Variants in RNASEL observed in about 807,000 individuals in gnomAD.
RNASEL encodes 2-5A-dependent ribonuclease.
RNASEL carries 36 observed loss-of-function variants against 50.9 expected under a neutral mutation model. The observed-to-expected ratio is 0.71, with a 90% confidence interval of 0.54 to 0.93. The LOEUF is 0.93. Ranked by LOEUF, RNASEL falls within the 40% of genes least tolerant of loss-of-function variation. RNASEL has a pLI of 0.00. For synonymous variants in RNASEL, 335 were observed against 335.6 expected, an observed-to-expected ratio of 1.00 and a Z score of 0.02; for missense variants, 860 against 894.5, an observed-to-expected ratio of 0.96 and a Z score of 0.49.
Position 182,575,590 on chromosome 1 carries a change from C to T in RNASEL, c.2040-12G>A. On this transcript the variant is annotated splice_polypyrimidine_tract_variant and intron_variant, in intron 6 of 6. Transcript: ENST00000367559. ...TTTTTAATTTCATCCTGAAATAAAA[C>T]ACAAATTGTTCAGCATGCTTGCCCC... 6.2e-7 allele frequency: 1 copy of T among 1,614,006 alleles called. No homozygotes were observed. Among genetic ancestry groups the T allele is most frequent in the Non-Finnish European group, 8.5e-7 (1 of 1,179,976 alleles).
At chr1:182,582,860 G>C (rs1661522198) in intron 3 of RNASEL, among the ~76,000 whole-genome samples, 1 of 152,148 alleles carries the variant, frequency 6.6e-6, no homozygotes, top group African/African-American at 2.4e-5. Flanking sequence ...GCAGCACCCT[G>C]TAAAACTCTC....
At chr1:182,578,906 A>C (rs1661440418) in intron 5 of RNASEL, 1 of 152,238 alleles carries the variant, frequency 6.6e-6, no homozygotes. Flanking sequence ...AAAAAGAAGA[A>C]TGAAATCATG....
rs763357512 is a variant in RNASEL at position 182,585,778 on chromosome 1, C to G, written c.1029G>C (p.Trp343Cys). ...AEDWKPQSSHWGAALKDLHRI... is the reference protein window; with the variant it reads ...AEDWKPQSSHCGAALKDLHRI... ...TGTGGAGATCCTTCAGGGCTGCCCC[C>G]CAGTGTGAGCTCTGAGGCTTCCAGT... Residue 343 changes from tryptophan (W) to cysteine (C), a missense_variant, in exon 2 of 7, where the codon TGG becomes TGC. By Grantham distance (215) the Trp-to-Cys change is radical (BLOSUM62 -2). Coordinates refer to ENST00000367559, the MANE Select transcript of RNASEL (RefSeq NM_021133.4). The G allele has an allele frequency of 6.2e-6, 10 of 1,613,958 alleles. No homozygotes were observed. The Admixed American group carries it at 1.3e-4, about 22-fold the overall frequency.
At chr1:182,580,153 T>C in intron 5 of RNASEL, 1 of 342,604 alleles carries the variant, frequency 2.9e-6, no homozygotes, top group Non-Finnish European at 5.7e-6. Flanking sequence ...CTTTCAAATT[T>C]CTTTGTTTCT....
In RNASEL at chr1:182,585,756, G is replaced by A. The variant is rs1373741704; in HGVS notation, c.1051C>T (p.His351Tyr). The stretch of plus-strand genomic sequence containing the variant: ...CCAATCATAGGGCGGTATATTCTGT[G>A]GAGATCCTTCAGGGCTGCCCCCCAG... ...SHWGAALKDLHRIYRPMIGKL... is the reference protein window; with the variant it reads ...SHWGAALKDLYRIYRPMIGKL... The change falls in exon 2 of 7, where the codon CAC becomes TAC. Residue 351 changes from histidine (H) to tyrosine (Y), a missense_variant. By Grantham distance (83) the His-to-Tyr change is moderately conservative. Transcript: ENST00000367559. 1 of 1,614,086 alleles carries A rather than the reference G, an allele frequency of 6.2e-7. No homozygotes were observed. The highest frequency in any genetic ancestry group is 1.3e-5 in the African/African-American group (1 of 74,992).
chr1:182,585,548 AAT>A lies in RNASEL; in HGVS notation c.1257_1258del (p.Phe420LeufsTer4). On this transcript the variant is annotated frameshift_variant, in exon 2 of 7. Coordinates refer to ENST00000367559, the MANE Select transcript of RNASEL (RefSeq NM_021133.4). LOFTEE classifies it high-confidence loss of function. ...GCCCCTGTGGCTCTCACTCCCATAG[AAT>A]GTCACCAAGTGACTGTTCTCTCGGC... 6.2e-7 allele frequency: 1 copy of A among 1,614,200 alleles called. No homozygotes were observed. Among genetic ancestry groups the A allele is most frequent in the Non-Finnish European group, 8.5e-7 (1 of 1,180,036 alleles).
rs145787003 is a variant in RNASEL, at chr1:182,585,590, G to A, written c.1217C>T (p.Ser406Phe). Reference sequence around the variant, plus strand: ...GTTCTCTCGGCTGCTTTGCAGACAAGAGACTTCCCGCTGTGCACGTGGGCT... The same window carrying A: ...GTTCTCTCGGCTGCTTTGCAGACAAAAGACTTCCCGCTGTGCACGTGGGCT... ...EGSPRAQREV[S>F]CLQSSRENSH... Residue 406 changes from serine to phenylalanine, a missense_variant, in exon 2 of 7, where the codon TCT (serine) becomes TTT (phenylalanine). Ser to Phe is a radical substitution (Grantham distance 155). Coordinates refer to ENST00000367559, the MANE Select transcript of RNASEL (RefSeq NM_021133.4). 4.3e-4 allele frequency: 701 copies of A among 1,614,168 alleles called. 5 individuals are homozygous for A. The highest frequency in any genetic ancestry group is 1.2e-4 in the Non-Finnish European group (143 of 1,180,046).
intron 6 of RNASEL, 150 bp from the exon 7 acceptor site, chr1:182,575,728 CT>C (rs1661366585): frequency 2.0e-6 from 2 of 998,308 alleles, no homozygotes; most frequent in East Asian, 2.6e-5. Context: ...GACTCCTCCC[CT>C]GACTCTTCAA....
intron 5 of RNASEL, chr1:182,579,514 C>T (rs1415244011): frequency 8.2e-6 from 9 of 1,097,320 alleles, no homozygotes; most frequent in South Asian, 2.3e-5. Context: ...ACGCCAAGCA[C>T]GTATGTGTGG....
intron 4 of RNASEL, among the ~76,000 whole-genome samples, chr1:182,581,670 C>G (rs1163772903): frequency 2.0e-5 from 3 of 151,534 alleles, no homozygotes; most frequent in South Asian, 4.2e-4. Flanking sequence ...TTAGTAGAGA[C>G]GGGGTTTCAC....
In RNASEL at chr1:182,582,112, T is replaced by C; in HGVS notation, c.1713A>G (p.Glu571=). The C allele has an allele frequency of 3.1e-6, 5 of 1,614,216 alleles. No individual in the cohort carries two copies. The highest frequency in any genetic ancestry group is 4.2e-6 in the Non-Finnish European group (5 of 1,180,032). Residue 571 remains glutamate (E), a synonymous_variant, in exon 4 of 7, where the codon GAA becomes GAG. Transcript: ENST00000367559. Reference sequence around the variant, plus strand: ...GGTCACTCAGACAGTCCCTCACATGTTCCCCAGGATGGAAGAGACGATGAA... The same window carrying C: ...GGTCACTCAGACAGTCCCTCACATGCTCCCCAGGATGGAAGAGACGATGAA... ...DLIHRLFHPG[E]HVRDCLSDLL...
In RNASEL at chr1:182,586,507, C is replaced by T. The variant is rs1235804414; in HGVS notation, c.300G>A (p.Ala100=). 1 of 1,611,436 alleles carries T rather than the reference C, an allele frequency of 6.2e-7. No individual in the cohort carries two copies. ...TCAGCAGCTTCACGCTCCCCGCAAT[C>T]GCTGCGAGGATAAAAGGCGTGGCCC... is the stretch of plus-strand genomic sequence containing the variant. ...KNGATPFILA[A]IAGSVKLLKL... is the part of the protein sequence containing the mutation. Residue 100 remains alanine, a synonymous_variant, in exon 2 of 7, where the codon GCG becomes GCA. Transcript: ENST00000367559.
intron 3 of RNASEL, 104 bp downstream of exon 3, chr1:182,583,977 T>C (rs1178439948): frequency 4.8e-6 from 4 of 836,066 alleles, no homozygotes; most frequent in Non-Finnish European, 8.4e-6. Context: ...CCCTTTCATA[T>C]ATACATATGT....
intron 5 of RNASEL, chr1:182,578,236 A>G (rs1181488525): frequency 6.6e-6 from 1 of 152,234 alleles, no homozygotes; most frequent in Non-Finnish European, 1.5e-5. Context: ...TATGCATCCA[A>G]CAGAGGATTG....
Position 182,585,638 on chromosome 1 carries a change from G to A in RNASEL, c.1169C>T (p.Ala390Val), listed in dbSNP as rs1661578718. ...GCTGCCCTCACAGAACGTCTTCACA[G>A]CTACTTCTTGCTTCTCATAGAACCC... Reference protein sequence around the residue: ...YLGFYEKQEVAVKTFCEGSPR... With the variant: ...YLGFYEKQEVVVKTFCEGSPR... The change falls in exon 2 of 7, where the codon GCT becomes GTT. Residue 390 changes from alanine to valine, a missense_variant. Transcript: ENST00000367559. 1 of 1,614,164 alleles carries A rather than the reference G, an allele frequency of 6.2e-7. No individual in the cohort carries two copies.
intron 3 of RNASEL, among the ~76,000 whole-genome samples, chr1:182,582,847 A>T (rs897066526): frequency 1.3e-5 from 2 of 152,196 alleles, no homozygotes; most frequent in African/African-American, 4.8e-5. Flanking sequence ...CTGGGTTGAA[A>T]GTGCAGCACC....
rs1661579579 is a variant in RNASEL at position 182,585,681 on chromosome 1, C to G, written c.1126G>C (p.Glu376Gln). 1 of 1,614,156 alleles carries G rather than the reference C, an allele frequency of 6.2e-7. No homozygotes were observed. The highest frequency in any genetic ancestry group is 8.5e-7 in the Non-Finnish European group (1 of 1,180,034). ...DEKYKIADTSEGGIYLGFYEK... is the reference protein window; with the variant it reads ...DEKYKIADTSQGGIYLGFYEK... ...TAGAACCCCAGGTAGATGCCTCCTT[C>G]TGAAGTATCAGCAATTTTGTATTTT... The change falls in exon 2 of 7, where the codon GAA becomes CAA. Residue 376 changes from glutamate to glutamine, a missense_variant. Physicochemically the swap from Glu to Gln is conservative, Grantham distance 29. Coordinates refer to ENST00000367559, the MANE Select transcript of RNASEL (RefSeq NM_021133.4).
At position 182,588,499 on chromosome 1, in the gene RNASEL, C is replaced by T. The variant is rs116621119; in HGVS notation, c.-165+668G>A. Among the ~76,000 whole-genome samples, 396 of 152,326 alleles carry T rather than the reference C, an allele frequency of 2.6e-3. 1 individual carries two copies. The highest frequency in any genetic ancestry group is 9.2e-3 in the African/African-American group (383 of 41,572). On this transcript the variant is annotated intron_variant, in intron 1 of 6. Transcript: ENST00000367559. ...ACACGAATAGGCAACTGGCAGCTAT[C>T]AATTTCGTCCAACTGTCAATCAGAT...
At position 182,585,860 on chromosome 1, in the gene RNASEL, A is replaced by G. The variant is rs915065103; in HGVS notation, c.947T>C (p.Leu316Pro). ...TCCATGAGAGAGAAGAACCTTCACA[A>G]GGGAATGGTCATAATTCCGCCTCGC... ...MTARRNYDHS[L>P]VKVLLSHGAK... is the part of the protein sequence containing the mutation. Residue 316 changes from leucine (L) to proline (P), a missense_variant, in exon 2 of 7, where the codon CTT (leucine) becomes CCT (proline). Leu to Pro is a moderately conservative substitution (Grantham distance 98). Transcript: ENST00000367559. 1 of 1,613,086 alleles carries G rather than the reference A, an allele frequency of 6.2e-7. No homozygotes were observed. Among genetic ancestry groups the G allele is most frequent in the Admixed American group, 1.7e-5 (1 of 59,922 alleles).
Sources: allele counts gnomAD v4.1 joint callset (sites outside exome capture counted in the v4.1 genomes callset), GRCh38; gene constraint gnomAD v4.1.1; transcripts MANE v1.5; gene names NCBI Gene and HGNC (gene_info 2026-07-23, HGNC 2026-07-21).